Variants in ZZZ3 observed in about 807,000 individuals in gnomAD.
The protein encoded by ZZZ3 is zinc finger ZZ-type containing 3.
A neutral mutation model predicts 95.2 loss-of-function variants in ZZZ3; 22 were observed. That is an observed-to-expected ratio of 0.23 (90% CI 0.17 to 0.33). The LOEUF is 0.33. Among genes scored for constraint, ZZZ3 ranks in the 10% least tolerant of loss-of-function variants. The pLI, the probability that ZZZ3 is intolerant of heterozygous loss-of-function variation, is 1.00. For missense variants in ZZZ3, 885 were observed against 1,066.5 expected, an observed-to-expected ratio of 0.83 and a Z score of 2.37; for synonymous variants, 335 against 358.9, an observed-to-expected ratio of 0.93 and a Z score of 0.75.
chr1:77,637,096 G>A (rs972372891), intron 4 of ZZZ3, among the ~76,000 whole-genome samples: 3 of 152,176 alleles, frequency 2.0e-5, no homozygotes, highest in African/African-American at 7.2e-5. Context: ...GCTCCTAGGT[G>A]ATTCATGTAT....
chr1:77,603,285 C>T (rs1364083392), intron 5 of ZZZ3, among the ~76,000 whole-genome samples: 1 of 152,114 alleles, frequency 6.6e-6, no homozygotes, highest in Non-Finnish European at 1.5e-5. Context: ...TACCATGTTG[C>T]CCAGACTGGT....
chr1:77,675,198 C>A (rs928923185), intron 1 of ZZZ3, among the ~76,000 whole-genome samples: 1 of 152,108 alleles, frequency 6.6e-6, no homozygotes, highest in Admixed American at 6.5e-5. Flanking sequence ...GAGAAATAAT[C>A]TTGGTAGTTC....
intron 5 of ZZZ3, among the ~76,000 whole-genome samples, chr1:77,598,117 A>G (rs1557711917): frequency 6.6e-6 from 1 of 152,078 alleles, no homozygotes; most frequent in Non-Finnish European, 1.5e-5. Context: ...AGTCTAAAAT[A>G]CTTTTGACTC....
intron 5 of ZZZ3, among the ~76,000 whole-genome samples, chr1:77,600,743 G>A (rs938352878): frequency 6.6e-6 from 1 of 152,150 alleles, no homozygotes; most frequent in Admixed American, 6.5e-5. Context: ...GCTTTGGCGT[G>A]ACTTGGAGTG....
At chr1:77,640,336 C>T (rs917567018) in intron 3 of ZZZ3, among the ~76,000 whole-genome samples, 2 of 151,968 alleles carry the variant, frequency 1.3e-5, no homozygotes, top group Non-Finnish European at 2.9e-5. Flanking sequence ...TGCAGTGGCT[C>T]GCACCTGTAA....
At chr1:77,635,303 C>T (rs1165850004) in intron 4 of ZZZ3, among the ~76,000 whole-genome samples, 1 of 152,060 alleles carries the variant, frequency 6.6e-6, no homozygotes, top group African/African-American at 2.4e-5. Flanking sequence ...TTTTTTAAAT[C>T]TTATAAGAAT....
rs553834957 is a variant in ZZZ3, at chr1:77,615,664, A to G, written c.1505+16186T>C. Among the ~76,000 whole-genome samples, 50 of 152,358 alleles carry G rather than the reference A, an allele frequency of 3.3e-4. 4 individuals carry two copies. The highest frequency in any genetic ancestry group is 1.2e-3 in the African/African-American group (50 of 41,588). On this transcript the variant is annotated intron_variant, in intron 5 of 14. Transcript: ENST00000370801. ...TGTTACATATTTCTGCATAATTAAAAATTCTAGTAAAAATTAAATATCCTT... is the reference window on the plus strand; with the variant it reads ...TGTTACATATTTCTGCATAATTAAAGATTCTAGTAAAAATTAAATATCCTT...
At chr1:77,611,163 T>A (rs1665753687) in intron 5 of ZZZ3, among the ~76,000 whole-genome samples, 1 of 150,162 alleles carries the variant, frequency 6.7e-6, no homozygotes, top group African/African-American at 2.4e-5. Context: ...ATCAGTAGCA[T>A]TTCTATACAC....
Position 77,670,736 on chromosome 1 carries a change from TG to T in ZZZ3, c.-403+11848del, listed in dbSNP as rs1557781678. On this transcript the variant is annotated intron_variant, in intron 1 of 14. Coordinates refer to ENST00000370801, the MANE Select transcript of ZZZ3 (RefSeq NM_015534.6). ...ACTGGAGTAGTAGTAGTGTTTGTTC[TG>T]TTTTTTTTTAAACAAAACAAAACAA... Among the ~76,000 whole-genome samples the T allele has an allele frequency of 6.0e-5, 9 of 151,150 alleles. No individual in the cohort carries two copies. In the South Asian group the frequency reaches 1.7e-3, roughly 28 times the overall value.
intron 10 of ZZZ3, 83 bp from the exon 11 acceptor site, chr1:77,578,952 G>A: frequency 1.6e-6 from 1 of 637,104 alleles, no homozygotes; most frequent in South Asian, 4.4e-5. Flanking sequence ...ACGTACATGA[G>A]TATCTAATGA....
At chr1:77,591,188 A>C (rs2100615583) in intron 5 of ZZZ3, among the ~76,000 whole-genome samples, 1 of 152,320 alleles carries the variant, frequency 6.6e-6, no homozygotes, top group East Asian at 1.9e-4. Context: ...AATTTTAAAA[A>C]TTATTTAGTG....
At chr1:77,660,946 A>T (rs1210270298) in intron 1 of ZZZ3, among the ~76,000 whole-genome samples, 2 of 151,854 alleles carry the variant, frequency 1.3e-5, no homozygotes, top group Admixed American at 6.6e-5. Context: ...CGTATTTTTC[A>T]TTTATAAATA....
rs1667995089 is a variant in ZZZ3, at chr1:77,633,324, T to C, written c.31A>G (p.Arg11Gly). The C allele has an allele frequency of 6.2e-7, 1 of 1,611,696 alleles. No homozygotes were observed. Among genetic ancestry groups the C allele is most frequent in the East Asian group, 2.2e-5 (1 of 44,846 alleles). MAASRSTRVT[R>G]STVGLNGLDE... ...AAGCCGTTTAACCCCACTGTTGATC[T>C]TGTAACACGAGTAGATCGGGAAGCA... The change falls in exon 5 of 15, where the codon AGA becomes GGA. Residue 11 changes from arginine to glycine, a missense_variant. Arg to Gly is a moderately radical substitution (Grantham distance 125). This residue lies in a region of ZZZ3 where 556 missense variants were observed against 652.9 expected (regional missense o/e 0.85). Transcript: ENST00000370801.
At chr1:77,596,667 G>C (rs986889483) in intron 5 of ZZZ3, among the ~76,000 whole-genome samples, 2 of 152,080 alleles carry the variant, frequency 1.3e-5, no homozygotes, top group African/African-American at 4.8e-5. Context: ...AAAGGCAAGA[G>C]GAACTGTACA....
At chr1:77,582,676 T>TC (rs1662644133) in intron 6 of ZZZ3, among the ~76,000 whole-genome samples, 1 of 151,214 alleles carries the variant, frequency 6.6e-6, no homozygotes, top group African/African-American at 2.4e-5. Flanking sequence ...TTTTCTTTTT[T>TC]TTTTTTTTAA....
chr1:77,646,675 C>A (rs1669306473), intron 1 of ZZZ3, among the ~76,000 whole-genome samples: 1 of 152,036 alleles, frequency 6.6e-6, no homozygotes, highest in Non-Finnish European at 1.5e-5. Flanking sequence ...AACTAAAAAT[C>A]TGGACCAAAA....
rs558689091 is a variant in ZZZ3, at chr1:77,665,016, C to T, written c.-403+17569G>A. On this transcript the variant is annotated intron_variant, in intron 1 of 14. Coordinates refer to ENST00000370801, the MANE Select transcript of ZZZ3 (RefSeq NM_015534.6). Reference sequence around the variant, plus strand: ...AAATTAACAAAAGCTATCAATACCTCTCAGTTCCTTAATGTCTTTAAATGA... The same window carrying T: ...AAATTAACAAAAGCTATCAATACCTTTCAGTTCCTTAATGTCTTTAAATGA... Among the ~76,000 whole-genome samples, 3 of 152,278 alleles carry T rather than the reference C, an allele frequency of 2.0e-5. No homozygotes were observed. In the South Asian group the frequency reaches 6.2e-4, roughly 32 times the overall value.
rs1668158938 is a variant in ZZZ3, at chr1:77,634,920, GATTA to G, written c.-51-1519_-51-1516del. ...CCTAACTTTGAATGAGATGCAGGAT[GATTA>G]GTTAGAGAAAGAGGCCAGTGGTGGC... On this transcript the variant is annotated intron_variant, in intron 4 of 14. Coordinates refer to ENST00000370801, the MANE Select transcript of ZZZ3 (RefSeq NM_015534.6). Among the ~76,000 whole-genome samples, 6 of 152,272 alleles carry G rather than the reference GATTA, an allele frequency of 3.9e-5. No individual in the cohort carries two copies. In the South Asian group the frequency reaches 1.2e-3, roughly 32 times the overall value.
chr1:77,577,608 A>G (rs1229632797), intron 11 of ZZZ3, among the ~76,000 whole-genome samples: 2 of 152,234 alleles, frequency 1.3e-5, no homozygotes, highest in Non-Finnish European at 2.9e-5. Context: ...GTATGGAAGG[A>G]TAACAGCACT....
Sources: gnomAD v4.1 joint callset for allele counts (sites outside exome capture counted in the v4.1 genomes callset) on GRCh38, gnomAD v4.1.1 for gene constraint, gnomAD v4.1.1 regional missense constraint, MANE v1.5 for transcripts, NCBI Gene and HGNC (gene_info 2026-07-23, HGNC 2026-07-21) for gene names.